SORCS3: variants seen among roughly 807,000 people sequenced by gnomAD.
SORCS3 encodes the protein VPS10 domain-containing receptor SorCS3.
A neutral mutation model predicts 146.3 loss-of-function variants in SORCS3; 57 were observed. That is an observed-to-expected ratio of 0.39 (90% CI 0.31 to 0.49). The LOEUF (loss-of-function observed/expected upper bound fraction) is 0.49. Ranked by LOEUF, SORCS3 falls within the 20% of genes least tolerant of loss-of-function variation. The pLI is 0.92. For missense variants in SORCS3, 1,341 were observed against 1,575.5 expected (o/e 0.85, Z 2.52); for synonymous variants, 653 against 618.5 (o/e 1.06, Z -0.83).
At chr10:104,849,205 G>A (rs2018242291) in intron 2 of SORCS3, among the ~76,000 whole-genome samples, 1 of 152,026 alleles carries the variant, frequency 6.6e-6, no homozygotes, top group East Asian at 1.9e-4. Flanking sequence ...GAGGTCAGGG[G>A]TTCACGACCA....
chr10:104,648,186 T>C (rs1322886348), intron 1 of SORCS3, among the ~76,000 whole-genome samples: 1 of 152,180 alleles, frequency 6.6e-6, no homozygotes, highest in Non-Finnish European at 1.5e-5. Flanking sequence ...ACTACAGGAA[T>C]TTGAGACTTG....
intron 4 of SORCS3, among the ~76,000 whole-genome samples, chr10:104,991,957 G>T (rs899147838): frequency 3.3e-5 from 5 of 152,208 alleles, no homozygotes; most frequent in African/African-American, 1.2e-4. Flanking sequence ...TTGTGGGGAT[G>T]CATTTCAGCC....
chr10:104,657,674 T>A, intron 1 of SORCS3, among the ~76,000 whole-genome samples: 1 of 152,212 alleles, frequency 6.6e-6, no homozygotes, highest in East Asian at 1.9e-4. Flanking sequence ...CAGCAGAGCC[T>A]GAGAGCTGAG....
At position 104,992,452 on chromosome 10, in the gene SORCS3, T is replaced by C. The variant is rs2055000093; in HGVS notation, c.954+14959T>C. Among the ~76,000 whole-genome samples, 3 of 152,210 alleles carry C rather than the reference T, an allele frequency of 2.0e-5. No homozygotes were observed. The East Asian group carries it at 5.8e-4, about 29-fold the overall frequency. ...TTTGTTTTTGTTCTCCCTTTGTATT[T>C]GAAAATGTCAGCAGATCTCAGATGT... is the stretch of plus-strand genomic sequence containing the variant. On this transcript the variant is annotated intron_variant, in intron 4 of 26. Coordinates refer to ENST00000369701, the MANE Select transcript of SORCS3 (RefSeq NM_014978.3).
At chr10:105,156,083 G>A (rs2056206354) in intron 9 of SORCS3, among the ~76,000 whole-genome samples, 1 of 152,162 alleles carries the variant, frequency 6.6e-6, no homozygotes, top group Non-Finnish European at 1.5e-5. Context: ...GTAAACCTCA[G>A]TTAACCATGA....
intron 1 of SORCS3, among the ~76,000 whole-genome samples, chr10:104,780,266 C>A (rs1392843329): frequency 6.6e-6 from 1 of 151,978 alleles, no homozygotes; most frequent in Admixed American, 6.5e-5. Context: ...GCATACATAC[C>A]AATATGATCA....
chr10:104,818,994 A>T (rs1274002864), intron 1 of SORCS3, among the ~76,000 whole-genome samples: 2 of 151,772 alleles, frequency 1.3e-5, no homozygotes, highest in Non-Finnish European at 2.9e-5. Context: ...AATAATATCC[A>T]TCCAAGCTGG....
chr10:105,010,782 G>A (rs2055130968), intron 4 of SORCS3, among the ~76,000 whole-genome samples: 1 of 151,950 alleles, frequency 6.6e-6, no homozygotes, highest in Non-Finnish European at 1.5e-5. Flanking sequence ...TAAGAGTATG[G>A]AGGGGCAGGC....
At chr10:104,758,127 G>C (rs2017077599) in intron 1 of SORCS3, among the ~76,000 whole-genome samples, 1 of 152,196 alleles carries the variant, frequency 6.6e-6, no homozygotes, top group South Asian at 2.1e-4. Flanking sequence ...GGACTTGGAT[G>C]AGGAGAAAGG....
At chr10:104,813,378 C>T (rs1424342770) in intron 1 of SORCS3, among the ~76,000 whole-genome samples, 1 of 152,156 alleles carries the variant, frequency 6.6e-6, no homozygotes, top group East Asian at 1.9e-4. Flanking sequence ...GTTTAGTTTA[C>T]AAGACTCAGT....
At chr10:105,227,002 C>T (rs1035622987) in intron 20 of SORCS3, among the ~76,000 whole-genome samples, 33 of 151,614 alleles carry the variant, frequency 2.2e-4, no homozygotes, top group Non-Finnish European at 2.9e-4. Context: ...TCAAAAAAAC[C>T]ACTTTTTGGT....
chr10:104,935,795 A>G (rs1287036416), intron 3 of SORCS3, among the ~76,000 whole-genome samples: 1 of 152,192 alleles, frequency 6.6e-6, no homozygotes, highest in African/African-American at 2.4e-5. Context: ...ATGCTGTAGC[A>G]TAGAGTTGTG....
At chr10:105,080,413 G>A (rs536479735) in intron 5 of SORCS3, among the ~76,000 whole-genome samples, 1 of 151,094 alleles carries the variant, frequency 6.6e-6, no homozygotes, top group Non-Finnish European at 1.5e-5. Context: ...TTTTTTTCTT[G>A]TAAATTTAAG....
intron 5 of SORCS3, among the ~76,000 whole-genome samples, chr10:105,054,700 G>A (rs900721003): frequency 1.3e-5 from 2 of 151,930 alleles, no homozygotes; most frequent in African/African-American, 4.8e-5. Flanking sequence ...AGGAGCCCTC[G>A]AGGTCTCAAG....
intron 1 of SORCS3, among the ~76,000 whole-genome samples, chr10:104,716,841 A>G (rs1476218681): frequency 6.6e-6 from 1 of 152,116 alleles, no homozygotes; most frequent in Non-Finnish European, 1.5e-5. Context: ...TGTCATCTCT[A>G]TTTGTAGGGT....
At position 104,915,186 on chromosome 10, in the gene SORCS3, T is replaced by C. The variant is rs115939209; in HGVS notation, c.696-647T>C. Among the ~76,000 whole-genome samples, 909 of 152,268 alleles carry C rather than the reference T, an allele frequency of 6.0e-3. 6 individuals carry two copies. The highest frequency in any genetic ancestry group is 0.019 in the African/African-American group (801 of 41,540). On this transcript the variant is annotated intron_variant, in intron 2 of 26. Transcript: ENST00000369701. ...GAGGAGCAGGTAGCCAGCAGGATCA[T>C]TGGAGTGATGAACCCCTCCTCTGTA...
chr10:104,979,145 C>G (rs1421897214), intron 4 of SORCS3, among the ~76,000 whole-genome samples: 2 of 152,164 alleles, frequency 1.3e-5, no homozygotes. Flanking sequence ...GAACACTTGT[C>G]ACAAATGAGA....
intron 1 of SORCS3, among the ~76,000 whole-genome samples, chr10:104,756,526 A>C (rs2017052663): frequency 6.6e-6 from 1 of 152,194 alleles, no homozygotes; most frequent in African/African-American, 2.4e-5. Flanking sequence ...CTTATTCAGC[A>C]CCTTCTTCAT....
At chr10:105,237,625 T>C (rs567244714) in intron 20 of SORCS3, among the ~76,000 whole-genome samples, 3 of 152,330 alleles carry the variant, frequency 2.0e-5, no homozygotes, top group South Asian at 2.1e-4. Flanking sequence ...GTGAGCACTA[T>C]ATTTGGCTGG....
Sources: gnomAD v4.1 joint callset for allele counts (sites outside exome capture counted in the v4.1 genomes callset) on GRCh38, gnomAD v4.1.1 for gene constraint, MANE v1.5 for transcripts, NCBI Gene and HGNC (gene_info 2026-07-23, HGNC 2026-07-21) for gene names.